Variants in RANBP2 observed in about 807,000 individuals in gnomAD.
RANBP2 encodes RAN binding protein 2, also known as E3 SUMO-protein ligase RanBP2.
RANBP2 carries 57 observed loss-of-function variants against 303.6 expected under a neutral mutation model. The ratio of observed to expected loss-of-function variants is 0.19; its 90% CI spans 0.15 to 0.23. The LOEUF is 0.23. RANBP2 is among the 10% of genes least tolerant of loss of function. The pLI, the probability that RANBP2 is intolerant of heterozygous loss-of-function variation, is 1.00. For synonymous variants in RANBP2, 1,167 were observed against 1,301.5 expected (o/e 0.90, Z 2.23); for missense variants, 3,138 against 3,780.8 (o/e 0.83, Z 4.46).
chr2:109,531,223 G>A, the RANBP2 span, among the ~76,000 whole-genome samples: 1 of 152,130 alleles, frequency 6.6e-6, no homozygotes, highest in Non-Finnish European at 1.5e-5. Flanking sequence ...TCTCTTTTTT[G>A]ATGTTCAAAG....
At chr2:109,379,839 G>A in the RANBP2 span, among the ~76,000 whole-genome samples, 3 of 152,112 alleles carry the variant, frequency 2.0e-5, no homozygotes, top group Admixed American at 2.0e-4. Context: ...CCAGAAGGCA[G>A]GGACCAGGAA....
chr2:109,300,495 A>G, the RANBP2 span, among the ~76,000 whole-genome samples: 2 of 152,132 alleles, frequency 1.3e-5, no homozygotes, highest in Non-Finnish European at 2.9e-5. Flanking sequence ...CTGAGTTTTT[A>G]TACCAGGTAA....
the RANBP2 span, among the ~76,000 whole-genome samples, chr2:109,036,499 T>C: frequency 3.3e-5 from 5 of 152,306 alleles, no homozygotes; most frequent in South Asian, 1.0e-3. Flanking sequence ...CATGATGAAG[T>C]GGGATTTATT....
chr2:109,686,219 T>G, the RANBP2 span, among the ~76,000 whole-genome samples: 1 of 152,200 alleles, frequency 6.6e-6, no homozygotes, highest in African/African-American at 2.4e-5. Context: ...AGTTAAGCCC[T>G]GAGCCCGTGG....
At chr2:108,794,567 C>G in the RANBP2 span, 2 of 1,612,294 alleles carry the variant, frequency 1.2e-6, no homozygotes, top group African/African-American at 1.3e-5. Flanking sequence ...ACGACCTCAT[C>G]GAGACCTCGG....
the RANBP2 span, among the ~76,000 whole-genome samples, chr2:109,591,417 A>C: frequency 6.6e-6 from 1 of 152,214 alleles, no homozygotes. Context: ...AGCAACAGCC[A>C]CTGGATGGAC....
chr2:108,993,849 A>C, the RANBP2 span, among the ~76,000 whole-genome samples: 1 of 152,184 alleles, frequency 6.6e-6, no homozygotes, highest in Non-Finnish European at 1.5e-5. Context: ...AGGCCTCAAC[A>C]ACAGACATTT....
the RANBP2 span, among the ~76,000 whole-genome samples, chr2:109,198,905 C>T: frequency 3.3e-5 from 5 of 152,134 alleles, no homozygotes; most frequent in African/African-American, 4.8e-5. Flanking sequence ...CAAATGTTTG[C>T]GTAGCTAAAT....
chr2:109,427,614 C>T, the RANBP2 span, among the ~76,000 whole-genome samples: 1 of 152,224 alleles, frequency 6.6e-6, no homozygotes, highest in Non-Finnish European at 1.5e-5. Context: ...TAGCCCCACA[C>T]ACAAGTGTCA....
At chr2:109,320,846 G>A in the RANBP2 span, among the ~76,000 whole-genome samples, 2 of 152,162 alleles carry the variant, frequency 1.3e-5, no homozygotes, top group African/African-American at 4.8e-5. Flanking sequence ...CCATGGATTC[G>A]GGCACCAGAC....
chr2:109,131,322 G>A, the RANBP2 span, among the ~76,000 whole-genome samples: 1 of 152,180 alleles, frequency 6.6e-6, no homozygotes, highest in Non-Finnish European at 1.5e-5. Context: ...GGGGGGCACT[G>A]CTGAAGGGGA....
chr2:109,375,137 C>T, the RANBP2 span, among the ~76,000 whole-genome samples: 42,775 of 152,226 alleles, frequency 0.28, 7,005 homozygotes, highest in Non-Finnish European at 0.38. Flanking sequence ...CTGCCACAGG[C>T]ATTCACCCAT....
the RANBP2 span, among the ~76,000 whole-genome samples, chr2:109,170,754 G>C: frequency 2.0e-5 from 3 of 152,326 alleles, no homozygotes; most frequent in East Asian, 5.8e-4. Flanking sequence ...AGGCACTGGG[G>C]CTCAAGGGGT....
At chr2:109,470,121 C>T in the RANBP2 span, among the ~76,000 whole-genome samples, 3 of 152,208 alleles carry the variant, frequency 2.0e-5, no homozygotes, top group East Asian at 5.8e-4. Context: ...GCCACCTTCT[C>T]AACTACAAGG....
the RANBP2 span, among the ~76,000 whole-genome samples, chr2:108,871,023 A>G: frequency 6.6e-6 from 1 of 152,192 alleles, no homozygotes; most frequent in Non-Finnish European, 1.5e-5. Context: ...AACTCAAAAA[A>G]TTGAAATGAA....
the RANBP2 span, among the ~76,000 whole-genome samples, chr2:109,304,863 A>T: frequency 2.0e-5 from 3 of 152,260 alleles, no homozygotes; most frequent in East Asian, 5.8e-4. Context: ...GAGCTCAGAG[A>T]GCCACCTTAG....
At chr2:109,290,744 C>T in the RANBP2 span, among the ~76,000 whole-genome samples, 1 of 152,254 alleles carries the variant, frequency 6.6e-6, no homozygotes, top group Non-Finnish European at 1.5e-5. Context: ...GCTGCTGTTA[C>T]ACCCATACCT....
the RANBP2 span, among the ~76,000 whole-genome samples, chr2:109,568,250 C>T: frequency 1.3e-5 from 2 of 152,050 alleles, no homozygotes; most frequent in African/African-American, 4.8e-5. Flanking sequence ...GGGCCTGTGA[C>T]GCCCAGTGTA....
the RANBP2 span, chr2:109,732,583 A>C: frequency 2.6e-6 from 1 of 379,724 alleles, no homozygotes; most frequent in Non-Finnish European, 5.2e-6. Context: ...GGTTCAAGTG[A>C]CTCCTGCTTC....
Sources: allele counts gnomAD v4.1 joint callset (sites outside exome capture counted in the v4.1 genomes callset), GRCh38; gene constraint gnomAD v4.1.1; transcripts MANE v1.5; gene names NCBI Gene and HGNC (gene_info 2026-07-23, HGNC 2026-07-21).